The following IL1RAPL1 variants were observed in gnomAD, a reference collection of about 807,000 sequenced individuals.
The protein encoded by IL1RAPL1 is interleukin-1 receptor accessory protein-like 1.
In IL1RAPL1, 3 loss-of-function variants were observed where a neutral mutation model predicts 48.4. The observed-to-expected ratio is 0.06, with a 90% confidence interval of 0.03 to 0.16. The LOEUF (loss-of-function observed/expected upper bound fraction) is 0.16. Among genes scored for constraint, IL1RAPL1 ranks in the 10% least tolerant of loss-of-function variants. The probability of loss-of-function intolerance (pLI) is 1.00; values close to 1 mark genes in which losing one functional copy is unlikely to be tolerated. For synonymous variants in IL1RAPL1, 185 were observed against 187.7 expected (o/e 0.99, Z 0.12); for missense variants, 349 against 530.6 (o/e 0.66, Z 3.36).
At position 29,709,900 on chromosome X, in the gene IL1RAPL1, C is replaced by G. The variant is rs942650156; in HGVS notation, c.778+41396C>G. 9.0e-5 allele frequency among the ~76,000 whole-genome samples: 10 copies of G among 111,459 alleles called. 1 individual carries two copies. On this transcript the variant is annotated intron_variant, in intron 6 of 10. Transcript: ENST00000378993. ...TTTCACCTCTTTGGTGAATTTACTT[C>G]TAAGTATTTTACTGTTTTTATTGCT...
At chrX:28,652,387 G>T (rs1934693062) in intron 1 of IL1RAPL1, among the ~76,000 whole-genome samples, 1 of 111,899 alleles carries the variant, frequency 8.9e-6, no homozygotes, top group African/African-American at 3.2e-5. Context: ...TGAAGGGAGG[G>T]TGGATGTAAT....
intron 2 of IL1RAPL1, among the ~76,000 whole-genome samples, chrX:29,024,020 T>G (rs760824477): frequency 3.6e-5 from 4 of 111,988 alleles, no homozygotes; most frequent in Non-Finnish European, 7.5e-5. Context: ...TTATTGAGTT[T>G]ATGCCTGTGT....
At chrX:29,385,422 C>T (rs189805127) in intron 3 of IL1RAPL1, among the ~76,000 whole-genome samples, 5 of 112,023 alleles carry the variant, frequency 4.5e-5, no homozygotes, top group African/African-American at 1.6e-4. Flanking sequence ...CCATTGCACT[C>T]CAGCCTGGGC....
intron 3 of IL1RAPL1, among the ~76,000 whole-genome samples, chrX:29,350,191 T>TTATATATATATCTATATATATA (rs1933205352): frequency 2.5e-5 from 1 of 39,432 alleles, no homozygotes; most frequent in African/African-American, 1.7e-4. Flanking sequence ...TACTGTTATT[T>TTATATATATATCTATATATATA]TATATATATA....
chrX:29,252,276 GAAAAAAGA>G (rs1394043227), intron 2 of IL1RAPL1, among the ~76,000 whole-genome samples: 3 of 47,724 alleles, frequency 6.3e-5, no homozygotes, highest in Non-Finnish European at 1.2e-4. Flanking sequence ...AATAGTAAAA[GAAAAAAGA>G]AAAAAAAAAA....
At chrX:28,638,843 G>A (rs765192009) in intron 1 of IL1RAPL1, among the ~76,000 whole-genome samples, 2 of 110,787 alleles carry the variant, frequency 1.8e-5, no homozygotes, top group Non-Finnish European at 3.8e-5. Flanking sequence ...CACTAAAAAG[G>A]GTCCTCCAGG....
At chrX:29,257,860 A>G (rs1258343871) in intron 2 of IL1RAPL1, among the ~76,000 whole-genome samples, 1 of 111,824 alleles carries the variant, frequency 8.9e-6, no homozygotes, top group Non-Finnish European at 1.9e-5. Flanking sequence ...TTTGAGAGTC[A>G]TATGCTTAAT....
chrX:29,785,446 T>A (rs183814728), intron 6 of IL1RAPL1, among the ~76,000 whole-genome samples: 28 of 112,362 alleles, frequency 2.5e-4, no homozygotes, highest in Middle Eastern at 4.7e-3. Context: ...GATAGTTTTT[T>A]AATAAAGTTT....
At chrX:28,709,793 G>T (rs746539407) in intron 1 of IL1RAPL1, among the ~76,000 whole-genome samples, 43 of 111,498 alleles carry the variant, frequency 3.9e-4, no homozygotes, top group Non-Finnish European at 7.2e-4. Context: ...GATTGGTACA[G>T]GTTTTTAGGC....
chrX:29,421,932 C>T (rs148460178), intron 5 of IL1RAPL1, among the ~76,000 whole-genome samples: 2,805 of 111,322 alleles, frequency 0.025, 75 homozygotes, highest in African/African-American at 0.086. Flanking sequence ...TCTGAAGATA[C>T]CCTGAAAAAT....
intron 1 of IL1RAPL1, among the ~76,000 whole-genome samples, chrX:28,767,395 C>CT (rs1315704195): frequency 9.1e-6 from 1 of 109,756 alleles, no homozygotes; most frequent in Non-Finnish European, 1.9e-5. Flanking sequence ...TACTTTGACT[C>CT]TTTTTTTTAA....
At chrX:29,922,000 G>C (rs1932851927) in intron 8 of IL1RAPL1, among the ~76,000 whole-genome samples, 1 of 111,478 alleles carries the variant, frequency 9.0e-6, no homozygotes, top group South Asian at 3.8e-4. Context: ...CTCAAAAATG[G>C]AGTTAGGGGA....
intron 5 of IL1RAPL1, among the ~76,000 whole-genome samples, chrX:29,501,194 T>C (rs945027342): frequency 1.8e-5 from 2 of 112,171 alleles, no homozygotes; most frequent in African/African-American, 6.5e-5. Context: ...ATTCTGACTA[T>C]TAATCCCTTG....
chrX:29,399,575 C>A (rs1376595069), intron 5 of IL1RAPL1, among the ~76,000 whole-genome samples: 1 of 111,522 alleles, frequency 9.0e-6, no homozygotes, highest in Non-Finnish European at 1.9e-5. Flanking sequence ...AATCCCAGCA[C>A]TTTGGGAGGC....
At chrX:29,087,395 C>G (rs1927977711) in intron 2 of IL1RAPL1, among the ~76,000 whole-genome samples, 1 of 110,655 alleles carries the variant, frequency 9.0e-6, no homozygotes, top group Admixed American at 9.7e-5. Flanking sequence ...CTCGGCCTCC[C>G]AAAGTGCTGT....
intron 2 of IL1RAPL1, among the ~76,000 whole-genome samples, chrX:28,791,570 G>A (rs368527589): frequency 2.7e-5 from 3 of 111,811 alleles, no homozygotes; most frequent in East Asian, 2.8e-4. Flanking sequence ...CAGTTGTCAC[G>A]TAATTATATA....
intron 2 of IL1RAPL1, among the ~76,000 whole-genome samples, chrX:28,953,664 T>G (rs2147356881): frequency 9.0e-6 from 1 of 111,380 alleles, no homozygotes; most frequent in African/African-American, 3.2e-5. Flanking sequence ...GTGTCTAAAC[T>G]TTTTAGTACT....
At chrX:29,148,203 C>G (rs750068605) in intron 2 of IL1RAPL1, among the ~76,000 whole-genome samples, 1 of 111,778 alleles carries the variant, frequency 8.9e-6, no homozygotes, top group Non-Finnish European at 1.9e-5. Flanking sequence ...GATATACTCT[C>G]TAGATGTTAT....
At chrX:29,160,632 T>C (rs922373600) in intron 2 of IL1RAPL1, among the ~76,000 whole-genome samples, 1 of 112,588 alleles carries the variant, frequency 8.9e-6, no homozygotes, top group Non-Finnish European at 1.9e-5. Context: ...CAAATGTTAA[T>C]GGAGTACCTA....
Sources: gnomAD v4.1 joint callset for allele counts (sites outside exome capture counted in the v4.1 genomes callset) on GRCh38, gnomAD v4.1.1 for gene constraint, MANE v1.5 for transcripts, NCBI Gene and HGNC (gene_info 2026-07-23, HGNC 2026-07-21) for gene names.